PRKD1: variants seen among roughly 807,000 people sequenced by gnomAD.
The protein encoded by PRKD1 is serine/threonine-protein kinase D1.
A neutral mutation model predicts 95.9 loss-of-function variants in PRKD1; 63 were observed. The ratio of observed to expected loss-of-function variants is 0.66; its 90% CI spans 0.54 to 0.81. PRKD1 has a LOEUF of 0.81. Ranked by LOEUF, PRKD1 falls within the 30% of genes least tolerant of loss-of-function variation. PRKD1 has a pLI of 0.00. For missense variants in PRKD1, 1,048 were observed against 1,165.3 expected (o/e 0.90, Z 1.47); for synonymous variants, 425 against 423.1 (o/e 1.00, Z -0.05).
intron 16 of PRKD1, among the ~76,000 whole-genome samples, chr14:29,595,574 G>A (rs139067126): frequency 1.8e-4 from 27 of 152,154 alleles, no homozygotes; most frequent in Admixed American, 4.6e-4. Flanking sequence ...TAGTCCTCCG[G>A]TGTCTATTAC....
At chr14:29,601,788 G>C (rs1172066754) in intron 13 of PRKD1, among the ~76,000 whole-genome samples, 1 of 152,200 alleles carries the variant, frequency 6.6e-6, no homozygotes, top group Non-Finnish European at 1.5e-5. Context: ...ACTTGAACTT[G>C]TGTCCCAGGC....
intron 2 of PRKD1, among the ~76,000 whole-genome samples, chr14:29,713,481 T>A (rs944219048): frequency 3.3e-5 from 5 of 152,182 alleles, no homozygotes; most frequent in Non-Finnish European, 5.9e-5. Flanking sequence ...TGACTGTTTT[T>A]AAATGGATAT....
intron 1 of PRKD1, among the ~76,000 whole-genome samples, chr14:29,855,505 C>T (rs925908347): frequency 6.6e-6 from 1 of 152,166 alleles, no homozygotes; most frequent in African/African-American, 2.4e-5. Context: ...AAGGAACTTG[C>T]CTTGTCTCAG....
chr14:29,718,016 A>C (rs1885710133), intron 2 of PRKD1, among the ~76,000 whole-genome samples: 1 of 152,182 alleles, frequency 6.6e-6, no homozygotes, highest in Admixed American at 6.5e-5. Flanking sequence ...CACCAAGCAC[A>C]ATATCCCTAC....
intron 1 of PRKD1, among the ~76,000 whole-genome samples, chr14:29,884,208 G>A (rs8020469): frequency 0.088 from 13,450 of 152,136 alleles, 1,281 homozygotes; most frequent in African/African-American, 0.24. Flanking sequence ...TTAAAACAAT[G>A]AATGCAATTT....
At chr14:29,733,969 C>G (rs529539000) in intron 1 of PRKD1, among the ~76,000 whole-genome samples, 97 of 149,170 alleles carry the variant, frequency 6.5e-4, no homozygotes, top group African/African-American at 2.3e-3. Context: ...TCACCTTTAC[C>G]ATTTCTGGTC....
chr14:29,643,684 A>G (rs1880945959), intron 4 of PRKD1, among the ~76,000 whole-genome samples: 1 of 152,228 alleles, frequency 6.6e-6, no homozygotes, highest in Non-Finnish European at 1.5e-5. Flanking sequence ...TATTCCACTT[A>G]GCAGTTCACA....
intron 13 of PRKD1, among the ~76,000 whole-genome samples, chr14:29,622,088 G>A (rs945880614): frequency 6.6e-6 from 1 of 152,126 alleles, no homozygotes; most frequent in Non-Finnish European, 1.5e-5. Context: ...AGCATGGAGG[G>A]GGCGGGCATT....
chr14:29,831,722 T>C (rs895379511), intron 1 of PRKD1, among the ~76,000 whole-genome samples: 4 of 152,180 alleles, frequency 2.6e-5, no homozygotes, highest in African/African-American at 9.6e-5. Flanking sequence ...TACTCTCTTT[T>C]GTTCTCCTGT....
intron 16 of PRKD1, among the ~76,000 whole-genome samples, chr14:29,593,276 G>T (rs1348462955): frequency 1.3e-5 from 2 of 152,072 alleles, no homozygotes; most frequent in East Asian, 3.9e-4. Context: ...AACACCATTT[G>T]CTAAGTTTTC....
chr14:29,632,435 C>A (rs1191600), intron 9 of PRKD1, among the ~76,000 whole-genome samples: 69,901 of 151,564 alleles, frequency 0.46, 18,975 homozygotes, highest in East Asian at 0.68. Flanking sequence ...ATTTTTTTCT[C>A]TAGAGGAAAG....
intron 13 of PRKD1, among the ~76,000 whole-genome samples, chr14:29,622,217 A>G (rs1173201812): frequency 6.6e-6 from 1 of 152,000 alleles, no homozygotes; most frequent in African/African-American, 2.4e-5. Context: ...AACACAGAAG[A>G]TAATGCTTTC....
intron 1 of PRKD1, among the ~76,000 whole-genome samples, chr14:29,858,107 G>A (rs1279317616): frequency 6.6e-6 from 1 of 152,178 alleles, no homozygotes; most frequent in Non-Finnish European, 1.5e-5. Context: ...AAACTGTCTT[G>A]CTTAAGATCA....
At chr14:29,648,265 G>A (rs1433928434) in intron 4 of PRKD1, among the ~76,000 whole-genome samples, 2 of 150,162 alleles carry the variant, frequency 1.3e-5, no homozygotes, top group African/African-American at 4.9e-5. Flanking sequence ...TTGGTGCTCT[G>A]TATAAATGAT....
intron 2 of PRKD1, among the ~76,000 whole-genome samples, chr14:29,706,717 A>G (rs1324042201): frequency 6.6e-6 from 1 of 152,154 alleles, no homozygotes; most frequent in Non-Finnish European, 1.5e-5. Context: ...TTATTGTTAC[A>G]CTTACAAATT....
chr14:29,816,766 T>C (rs189652266), intron 1 of PRKD1, among the ~76,000 whole-genome samples: 7 of 152,296 alleles, frequency 4.6e-5, no homozygotes, highest in African/African-American at 1.4e-4. Flanking sequence ...ATCCAGGATA[T>C]TGTGTCCTCA....
At chr14:29,825,603 A>T (rs961696369) in intron 1 of PRKD1, among the ~76,000 whole-genome samples, 12 of 152,076 alleles carry the variant, frequency 7.9e-5, no homozygotes, top group African/African-American at 1.2e-4. Flanking sequence ...ATCATTATTT[A>T]AAAAAATGTA....
At position 29,927,454 on chromosome 14, in the gene PRKD1, G is replaced by A. The variant is rs570805784; in HGVS notation, c.59C>T (p.Ala20Val). ...GACCAGTGCGGCGGCCGCTGCGGCA[G>A]CTGCCGCCGCCACGGGCAGCAGCGG... The part of the protein sequence containing the change: ...PSPLLPVAAA[A>V]AAAAAALVPG... The change falls in exon 1 of 18, where the codon GCT becomes GTT. Residue 20 changes from alanine (A) to valine (V), a missense_variant. Physicochemically the swap from Ala to Val is moderately conservative, Grantham distance 64. Transcript: ENST00000331968. 184 of 1,307,222 alleles carry A rather than the reference G, an allele frequency of 1.4e-4. 3 individuals carry two copies. In the South Asian group the frequency reaches 3.4e-3, roughly 24 times the overall value. The allele number at this position is 1,307,222 out of a possible 1,614,324, so 81.0% of individuals were successfully genotyped here.
At chr14:29,821,579 C>G (rs1890911749) in intron 1 of PRKD1, among the ~76,000 whole-genome samples, 1 of 152,080 alleles carries the variant, frequency 6.6e-6, no homozygotes, top group African/African-American at 2.4e-5. Context: ...CAAAATTAAA[C>G]AAAGGACTTT....
Sources: gnomAD v4.1 joint callset for allele counts (sites outside exome capture counted in the v4.1 genomes callset) on GRCh38, gnomAD v4.1.1 for gene constraint, MANE v1.5 for transcripts, NCBI Gene and HGNC (gene_info 2026-07-23, HGNC 2026-07-21) for gene names.